Variants in GLIPR1L1 observed in about 807,000 individuals in gnomAD.
GLIPR1L1 encodes GLIPR1-like protein 1.
A neutral mutation model predicts 29.9 loss-of-function variants in GLIPR1L1; 26 were observed. The ratio of observed to expected loss-of-function variants is 0.87; its 90% CI spans 0.64 to 1.21. The LOEUF is 1.21. Among genes scored for constraint, GLIPR1L1 ranks in the 50% most tolerant of loss-of-function variants. The probability of loss-of-function intolerance (pLI) is 0.00; values close to 1 mark genes in which losing one functional copy is unlikely to be tolerated. For missense variants in GLIPR1L1, 305 were observed against 290.3 expected (o/e 1.05, Z -0.37); for synonymous variants, 77 against 97.5 (o/e 0.79, Z 1.24).
intron 3 of GLIPR1L1, among the ~76,000 whole-genome samples, chr12:75,358,690 C>A (rs2043317224): frequency 6.9e-6 from 1 of 145,420 alleles, no homozygotes; most frequent in Non-Finnish European, 1.5e-5. Context: ...ATTTGTGTTT[C>A]TTTTTGTTTT....
intron 1 of GLIPR1L1, among the ~76,000 whole-genome samples, chr12:75,335,301 T>C (rs1212365619): frequency 6.6e-6 from 1 of 152,198 alleles, no homozygotes. Context: ...TCTTGTTCTC[T>C]TACTTATTTT....
intron 3 of GLIPR1L1, among the ~76,000 whole-genome samples, chr12:75,359,357 C>CTTTTCT (rs2043399147): frequency 3.5e-5 from 1 of 28,600 alleles, no homozygotes. Flanking sequence ...GCATTGTTGT[C>CTTTTCT]TTTTTTTTTT....
intron 2 of GLIPR1L1, among the ~76,000 whole-genome samples, chr12:75,347,323 T>C (rs1273781747): frequency 2.0e-5 from 3 of 152,242 alleles, no homozygotes; most frequent in East Asian, 1.9e-4. Flanking sequence ...ATGTATTTCA[T>C]AAATAATCTA....
At chr12:75,355,531 C>T (rs2043098612) in intron 3 of GLIPR1L1, among the ~76,000 whole-genome samples, 1 of 151,504 alleles carries the variant, frequency 6.6e-6, no homozygotes, top group African/African-American at 2.4e-5. Flanking sequence ...TGGGAATGTA[C>T]ACTCCACAAT....
intron 1 of GLIPR1L1, among the ~76,000 whole-genome samples, chr12:75,338,190 A>G (rs931676909): frequency 6.6e-6 from 1 of 152,180 alleles, no homozygotes. Flanking sequence ...GATGCAAAAA[A>G]TCTTCAACAA....
At position 75,343,761 on chromosome 12, in the gene GLIPR1L1, C is replaced by T; in HGVS notation, c.243C>T (p.Asp81=). Residue 81 remains aspartate (D), a synonymous_variant, in exon 2 of 6, where the codon GAC becomes GAT. Coordinates refer to ENST00000378695, the MANE Select transcript of GLIPR1L1 (RefSeq NM_001304964.2). ...WANQCKFEHN[D]CLDKSYKCYA... ...ACCAGTGCAAATTTGAACATAATGA[C>T]TGTTTGGATAAATCATATAAATGCT... 1.7e-5 allele frequency: 27 copies of T among 1,612,464 alleles called. No individual in the cohort carries two copies. Among genetic ancestry groups the T allele is most frequent in the Non-Finnish European group, 2.2e-5 (26 of 1,178,760 alleles).
chr12:75,354,420 A>G (rs527341512), intron 3 of GLIPR1L1, among the ~76,000 whole-genome samples: 139 of 150,878 alleles, frequency 9.2e-4, no homozygotes, highest in African/African-American at 3.2e-3. Flanking sequence ...GAATACAGCT[A>G]AAAAAAAAGT....
chr12:75,370,073 T>C lies in GLIPR1L1; in HGVS notation c.638-12T>C, dbSNP rs780446030. On this transcript the variant is annotated splice_polypyrimidine_tract_variant and intron_variant, in intron 5 of 5. Coordinates refer to ENST00000378695, the MANE Select transcript of GLIPR1L1 (RefSeq NM_001304964.2). ...CTCTTAACTATTCTGGTTTTGTTTT[T>C]GTTTTTGACAGAAAATCCATTTCTG... 1 of 1,559,006 alleles carries C rather than the reference T, an allele frequency of 6.4e-7. No homozygotes were observed. Among genetic ancestry groups the C allele is most frequent in the South Asian group, 1.1e-5 (1 of 89,486 alleles).
At chr12:75,369,304 A>G (rs1267980633) in intron 4 of GLIPR1L1, among the ~76,000 whole-genome samples, 3 of 151,554 alleles carry the variant, frequency 2.0e-5, no homozygotes, top group Non-Finnish European at 4.4e-5. Context: ...TATCATTTTT[A>G]CTCATCTTAT....
At chr12:75,367,547 A>C (rs1408760023) in intron 4 of GLIPR1L1, among the ~76,000 whole-genome samples, 2 of 151,938 alleles carry the variant, frequency 1.3e-5, no homozygotes, top group Non-Finnish European at 2.9e-5. Flanking sequence ...TGCACATCAA[A>C]TTATATTCTT....
intron 3 of GLIPR1L1, among the ~76,000 whole-genome samples, chr12:75,359,033 T>C (rs1203359116): frequency 6.7e-6 from 1 of 150,188 alleles, no homozygotes; most frequent in Non-Finnish European, 1.5e-5. Context: ...TGGGCCACAC[T>C]GTGCTGATTG....
Position 75,343,852 on chromosome 12 carries a change from C to T in GLIPR1L1, c.334C>T (p.His112Tyr), listed in dbSNP as rs1409199276. The T allele has an allele frequency of 1.9e-6, 3 of 1,612,796 alleles. No individual in the cohort carries two copies. Among genetic ancestry groups the T allele is most frequent in the Admixed American group, 1.7e-5 (1 of 59,998 alleles). ...TGGAATAAAGTCATTCACACCAAGACATGCCATTACGGCTTGGTATAATGA... is the reference window on the plus strand; with the variant it reads ...TGGAATAAAGTCATTCACACCAAGATATGCCATTACGGCTTGGTATAATGA... ...LGGIKSFTPR[H>Y]AITAWYNETQ... Residue 112 changes from histidine to tyrosine, a missense_variant, in exon 2 of 6, where the codon CAT (histidine) becomes TAT (tyrosine). Physicochemically the swap from His to Tyr is moderately conservative, Grantham distance 83. Transcript: ENST00000378695.
rs1418717421 is a variant in GLIPR1L1 at position 75,334,676 on chromosome 12, G to C, written c.-53G>C. On this transcript the variant is annotated 5_prime_UTR_variant, in exon 1 of 6. Coordinates refer to ENST00000378695, the MANE Select transcript of GLIPR1L1 (RefSeq NM_001304964.2). ...GGCGTGGGGAAATCGGGTTGCCCCA[G>C]CCGTTACTGGTCCGCGCAGTCAGGG... The C allele has an allele frequency of 1.9e-6, 3 of 1,576,180 alleles. No homozygotes were observed. Among genetic ancestry groups the C allele is most frequent in the Non-Finnish European group, 2.6e-6 (3 of 1,160,986 alleles).
At chr12:75,349,142 C>T (rs1162602223) in intron 3 of GLIPR1L1, among the ~76,000 whole-genome samples, 1 of 152,084 alleles carries the variant, frequency 6.6e-6, no homozygotes, top group East Asian at 1.9e-4. Flanking sequence ...CGTGAGGAAA[C>T]AACTTCAGGC....
chr12:75,346,110 C>A, intron 2 of GLIPR1L1, among the ~76,000 whole-genome samples: 1 of 152,046 alleles, frequency 6.6e-6, no homozygotes, highest in Non-Finnish European at 1.5e-5. Context: ...ACATCGTAAA[C>A]CTACATAGTG....
chr12:75,365,948 AC>A lies in GLIPR1L1; in HGVS notation c.610+2761del, dbSNP rs960279522. 1.3e-4 allele frequency among the ~76,000 whole-genome samples: 20 copies of A among 152,288 alleles called. No homozygotes were observed. In the East Asian group the frequency reaches 3.9e-3, roughly 29 times the overall value. ...TTTGGGCTGGCTTTATAGTTTTATA[AC>A]CCTTATGCAAAATTTTGACACCTTA... On this transcript the variant is annotated intron_variant, in intron 4 of 5. Transcript: ENST00000378695.
chr12:75,354,145 C>T (rs1041610544), intron 3 of GLIPR1L1, among the ~76,000 whole-genome samples: 4 of 116,876 alleles, frequency 3.4e-5, no homozygotes, highest in African/African-American at 1.4e-4. Flanking sequence ...CTGGCCAGAG[C>T]AATCAGGGAA....
At chr12:75,361,685 T>TA (rs542916470) in intron 3 of GLIPR1L1, among the ~76,000 whole-genome samples, 10 of 152,108 alleles carry the variant, frequency 6.6e-5, no homozygotes, top group Admixed American at 2.6e-4. Context: ...GCAGGAGAGA[T>TA]AAGAGAGAAG....
chr12:75,369,902 G>A (rs1342819580), intron 4 of GLIPR1L1, 58 bp from the exon 5 acceptor site: 2 of 1,312,170 alleles, frequency 1.5e-6, no homozygotes, highest in East Asian at 2.6e-5. Context: ...TAAAAGCAAA[G>A]AAATATGTTT....
Sources: allele counts gnomAD v4.1 joint callset (sites outside exome capture counted in the v4.1 genomes callset), GRCh38; gene constraint gnomAD v4.1.1; transcripts MANE v1.5; gene names NCBI Gene and HGNC (gene_info 2026-07-23, HGNC 2026-07-21).